Variants in DESI2 observed in about 807,000 individuals in gnomAD.
DESI2 encodes the protein desumoylating isopeptidase 2.
Under a neutral mutation model 24.1 loss-of-function variants are expected in DESI2, and 10 were observed. That is an observed-to-expected ratio of 0.41 (90% CI 0.26 to 0.70). The LOEUF is 0.70. Among genes scored for constraint, DESI2 ranks in the 30% least tolerant of loss-of-function variants. The probability of loss-of-function intolerance (pLI) is 0.29; values close to 1 mark genes in which losing one functional copy is unlikely to be tolerated. For synonymous variants in DESI2, 71 were observed against 87.7 expected, an observed-to-expected ratio of 0.81 and a Z score of 1.06; for missense variants, 122 against 234.9, an observed-to-expected ratio of 0.52 and a Z score of 3.14.
intron 4 of DESI2, among the ~76,000 whole-genome samples, chr1:244,702,722 T>C (rs533282852): frequency 1.7e-4 from 26 of 152,116 alleles, no homozygotes; most frequent in Non-Finnish European, 2.4e-4. Flanking sequence ...CAAGTGGCTA[T>C]AGATAGGACT....
chr1:244,675,810 C>T (rs1676396216), intron 1 of DESI2, among the ~76,000 whole-genome samples: 1 of 152,112 alleles, frequency 6.6e-6, no homozygotes, highest in Non-Finnish European at 1.5e-5. Context: ...AAAATGGCAG[C>T]TGAGATTTTG....
chr1:244,704,375 G>A (rs1677607273), intron 4 of DESI2, among the ~76,000 whole-genome samples: 1 of 152,120 alleles, frequency 6.6e-6, no homozygotes, highest in Non-Finnish European at 1.5e-5. Flanking sequence ...CTGCACAAGA[G>A]AAAAAGGATA....
At chr1:244,699,577 TCAAAAAAA>T (rs1335242520) in intron 4 of DESI2, among the ~76,000 whole-genome samples, 3 of 38,118 alleles carry the variant, frequency 7.9e-5, no homozygotes, top group African/African-American at 3.7e-4. Context: ...TGAGACTGTC[TCAAAAAAA>T]AAAAAAAAAA....
chr1:244,657,046 TATA>T (rs913541397), intron 1 of DESI2, among the ~76,000 whole-genome samples: 7 of 152,246 alleles, frequency 4.6e-5, no homozygotes, highest in Non-Finnish European at 1.0e-4. Context: ...GTTCTGGGAT[TATA>T]GGCATGAGCC....
At chr1:244,671,678 A>G (rs1250138873) in intron 1 of DESI2, among the ~76,000 whole-genome samples, 1 of 152,246 alleles carries the variant, frequency 6.6e-6, no homozygotes, top group Admixed American at 6.5e-5. Context: ...CTTATCCAGC[A>G]GAAATCTTGC....
chr1:244,669,248 T>C (rs1047321397), intron 1 of DESI2, among the ~76,000 whole-genome samples: 1 of 151,462 alleles, frequency 6.6e-6, no homozygotes, highest in South Asian at 2.1e-4. Flanking sequence ...TGTCCCACCT[T>C]GGCCTCCCAA....
At chr1:244,667,110 A>G (rs1391356904) in intron 1 of DESI2, among the ~76,000 whole-genome samples, 1 of 152,112 alleles carries the variant, frequency 6.6e-6, no homozygotes, top group Non-Finnish European at 1.5e-5. Context: ...GGTCCCTCCA[A>G]ATCTCATGTC....
At chr1:244,653,397 G>T (rs962367873) in intron 1 of DESI2, 42 bp downstream of exon 1, 3 of 1,535,422 alleles carry the variant, frequency 2.0e-6, no homozygotes, top group Non-Finnish European at 2.6e-6. Context: ...GGCCCAGGCC[G>T]GCTTCCTCTC....
intron 1 of DESI2, among the ~76,000 whole-genome samples, chr1:244,661,324 G>A (rs1023213683): frequency 6.6e-6 from 1 of 152,096 alleles, no homozygotes; most frequent in Non-Finnish European, 1.5e-5. Context: ...TATCTATGTT[G>A]CAGCATGTAT....
intron 1 of DESI2, among the ~76,000 whole-genome samples, chr1:244,654,493 G>T (rs1021831114): frequency 9.9e-5 from 15 of 152,168 alleles, no homozygotes; most frequent in Non-Finnish European, 2.1e-4. Flanking sequence ...GCCATATCTG[G>T]GAATTGTGTC....
intron 1 of DESI2, among the ~76,000 whole-genome samples, chr1:244,673,989 CTTTTTTTTTTTTT>C (rs143887006): frequency 1.4e-5 from 1 of 73,206 alleles, no homozygotes; most frequent in South Asian, 5.5e-4. Context: ...ACTTCTGTCT[CTTTTTTTTTTTTT>C]TTTTTTTTTT....
intron 1 of DESI2, among the ~76,000 whole-genome samples, chr1:244,664,995 CTATGTT>C (rs765854006): frequency 1.3e-4 from 20 of 152,232 alleles, no homozygotes; most frequent in Non-Finnish European, 2.8e-4. Context: ...GTGGCACATA[CTATGTT>C]TATGTTGTAC....
intron 4 of DESI2, among the ~76,000 whole-genome samples, chr1:244,699,576 C>G (rs546449655): frequency 5.7e-5 from 3 of 52,762 alleles, no homozygotes; most frequent in East Asian, 1.3e-3. Flanking sequence ...GTGAGACTGT[C>G]TCAAAAAAAA....
chr1:244,686,462 G>A, intron 1 of DESI2, 135 bp from the exon 2 acceptor site: 1 of 629,766 alleles, frequency 1.6e-6, no homozygotes, highest in Non-Finnish European at 2.8e-6. Flanking sequence ...AAGGCACAGA[G>A]CCACAGAGAC....
chr1:244,659,524 A>G (rs189612730), intron 1 of DESI2, among the ~76,000 whole-genome samples: 3 of 152,254 alleles, frequency 2.0e-5, no homozygotes, highest in South Asian at 2.1e-4. Context: ...ATCCTCTCTC[A>G]GTTGCTTCAA....
At chr1:244,657,889 T>C (rs1675702565) in intron 1 of DESI2, among the ~76,000 whole-genome samples, 1 of 152,216 alleles carries the variant, frequency 6.6e-6, no homozygotes, top group Non-Finnish European at 1.5e-5. Context: ...CCGAAGAGAT[T>C]ATCTAGAATT....
chr1:244,654,304 A>T (rs1675573231), intron 1 of DESI2, among the ~76,000 whole-genome samples: 4 of 152,228 alleles, frequency 2.6e-5, no homozygotes, highest in Admixed American at 1.3e-4. Context: ...ATTCCTTGTA[A>T]GTTGACTGAC....
intron 1 of DESI2, among the ~76,000 whole-genome samples, chr1:244,670,158 T>C (rs1676198852): frequency 6.6e-6 from 1 of 152,100 alleles, no homozygotes; most frequent in Non-Finnish European, 1.5e-5. Context: ...GGTTTCATCA[T>C]ATTGGTCAGG....
At chr1:244,691,217 T>C (rs1677016774) in intron 3 of DESI2, among the ~76,000 whole-genome samples, 1 of 152,326 alleles carries the variant, frequency 6.6e-6, no homozygotes, top group Admixed American at 6.5e-5. Context: ...GCCTCCCAAG[T>C]AGCTGGGATT....
Sources: gnomAD v4.1 joint callset for allele counts (sites outside exome capture counted in the v4.1 genomes callset) on GRCh38, gnomAD v4.1.1 for gene constraint, MANE v1.5 for transcripts, NCBI Gene and HGNC (gene_info 2026-07-23, HGNC 2026-07-21) for gene names.